Variants in HUNK observed in about 807,000 individuals in gnomAD.
HUNK encodes hormonally up-regulated neu tumor-associated kinase.
Under a neutral mutation model 61.0 loss-of-function variants are expected in HUNK, and 21 were observed. The observed-to-expected ratio is 0.34, with a 90% CI of 0.24 to 0.50. HUNK has a LOEUF of 0.50. HUNK is among the 20% of genes least tolerant of loss of function. The pLI is 0.98. For missense variants in HUNK, 772 were observed against 945.7 expected (o/e 0.82, Z 2.41); for synonymous variants, 371 against 386.1 (o/e 0.96, Z 0.46).
chr21:31,943,962 C>G (rs1431361582), intron 3 of HUNK, among the ~76,000 whole-genome samples: 1 of 152,258 alleles, frequency 6.6e-6, no homozygotes, highest in East Asian at 1.9e-4. Flanking sequence ...GGTGCTGTCT[C>G]TCACAGTAGG....
chr21:31,925,774 C>T (rs1009296181), intron 2 of HUNK, among the ~76,000 whole-genome samples: 2 of 152,162 alleles, frequency 1.3e-5, no homozygotes, highest in African/African-American at 2.4e-5. Flanking sequence ...GCTTTTAGTA[C>T]TGTATGAAAA....
chr21:31,899,457 CTTG>C (rs1459916385), intron 1 of HUNK, among the ~76,000 whole-genome samples: 1 of 152,238 alleles, frequency 6.6e-6, no homozygotes, highest in East Asian at 1.9e-4. Context: ...TGTGTTTCCT[CTTG>C]TTGTAAAGAC....
chr21:31,976,821 A>G (rs1362427758), intron 7 of HUNK, among the ~76,000 whole-genome samples: 1 of 149,624 alleles, frequency 6.7e-6, no homozygotes, highest in East Asian at 2.0e-4. Flanking sequence ...CCCAGGCTAG[A>G]GTGCAGTGGC....
chr21:31,941,033 C>T (rs921221926), intron 3 of HUNK, among the ~76,000 whole-genome samples: 1 of 152,154 alleles, frequency 6.6e-6, no homozygotes, highest in African/African-American at 2.4e-5. Flanking sequence ...TTTTGTTTGA[C>T]AAATGCTGAA....
rs1366692969 is a variant in HUNK, at chr21:31,979,406, C to T, written c.1174-4120C>T. 6.7e-5 allele frequency among the ~76,000 whole-genome samples: 10 copies of T among 148,648 alleles called. No homozygotes were observed. The East Asian group carries it at 7.9e-4, about 12-fold the overall frequency. On this transcript the variant is annotated intron_variant, in intron 7 of 10. Coordinates refer to ENST00000270112, the MANE Select transcript of HUNK (RefSeq NM_014586.2). Reference sequence around the variant, plus strand: ...TGCTGGGATTACAGGTGTGAGCCACCGCGCCCGGCCCCTATTGGCCATTTC... The same window carrying T: ...TGCTGGGATTACAGGTGTGAGCCACTGCGCCCGGCCCCTATTGGCCATTTC...
In HUNK at chr21:31,983,385, G is replaced by A. The variant is rs1261056061; in HGVS notation, c.1174-141G>A. 4 of 674,626 alleles carry A rather than the reference G, an allele frequency of 5.9e-6. No individual in the cohort carries two copies. In the African/African-American group the frequency reaches 7.2e-5, roughly 12 times the overall value. The allele number at this position is 674,626 out of a possible 1,614,324, so 41.8% of individuals were successfully genotyped here. A position where few individuals can be genotyped will look rare whatever the true frequency, so the allele number is the denominator to read the frequency against. On this transcript the variant is annotated intron_variant, in intron 7 of 10. Coordinates refer to ENST00000270112, the MANE Select transcript of HUNK (RefSeq NM_014586.2). ...CTGCCTGCAGGCCTTCCTGGGGTGAGACTTGATGTTGCAATTTACTGGACT... is the reference window on the plus strand; with the variant it reads ...CTGCCTGCAGGCCTTCCTGGGGTGAAACTTGATGTTGCAATTTACTGGACT...
chr21:31,939,539 G>C lies in HUNK; in HGVS notation c.555-626G>C, dbSNP rs879599075. 2.3e-4 allele frequency among the ~76,000 whole-genome samples: 34 copies of C among 149,400 alleles called. 1 individual carries two copies. The highest frequency in any genetic ancestry group is 8.8e-4 in the Admixed American group (13 of 14,784). On this transcript the variant is annotated intron_variant, in intron 2 of 10. Coordinates refer to ENST00000270112, the MANE Select transcript of HUNK (RefSeq NM_014586.2). ...TTCTCCTGCCTCAGCCTCCCGAGTT[G>C]CTGGAATTACAGGCATGCGCCGCCA...
intron 1 of HUNK, among the ~76,000 whole-genome samples, chr21:31,875,298 C>T (rs1278725493): frequency 6.6e-6 from 1 of 152,198 alleles, no homozygotes; most frequent in African/African-American, 2.4e-5. Flanking sequence ...CATTTCCCCT[C>T]TTTGTCTTGG....
chr21:31,991,775 T>TA (rs1214496360), intron 9 of HUNK, among the ~76,000 whole-genome samples: 1 of 152,162 alleles, frequency 6.6e-6, no homozygotes, highest in African/African-American at 2.4e-5. Context: ...AAAGAAAACT[T>TA]ACCTCAGCTC....
intron 8 of HUNK, among the ~76,000 whole-genome samples, chr21:31,986,388 G>A (rs1387191851): frequency 6.6e-6 from 1 of 151,790 alleles, no homozygotes. Context: ...CCCACACCTG[G>A]TCCCAGCCAC....
chr21:31,998,457 C>T, intron 10 of HUNK, 69 bp from the exon 11 acceptor site: 2 of 1,378,996 alleles, frequency 1.5e-6, no homozygotes, highest in South Asian at 1.4e-5. Context: ...GAGGTCACAG[C>T]AGGCAGGAGA....
chr21:31,878,532 T>G (rs1425822866), intron 1 of HUNK, among the ~76,000 whole-genome samples: 1 of 151,374 alleles, frequency 6.6e-6, no homozygotes, highest in Non-Finnish European at 1.5e-5. Flanking sequence ...GTCAGGAGTT[T>G]GAGACCAGCC....
chr21:31,899,808 A>C (rs1601366230), intron 1 of HUNK, among the ~76,000 whole-genome samples: 1 of 145,000 alleles, frequency 6.9e-6, no homozygotes, highest in Non-Finnish European at 1.5e-5. Flanking sequence ...ACAGAGTTTC[A>C]CTCTTGTCAC....
At position 31,902,328 on chromosome 21, in the gene HUNK, T is replaced by C. The variant is rs531154825; in HGVS notation, c.262-22140T>C. ...GAGTTCGAGAGCAGCCTGACCAACA[T>C]GGAGAAACCCCATCTCTACTAAACA... On this transcript the variant is annotated intron_variant, in intron 1 of 10. Transcript: ENST00000270112. 1.2e-4 allele frequency among the ~76,000 whole-genome samples: 19 copies of C among 152,174 alleles called. No homozygotes were observed. The South Asian group carries it at 2.9e-3, about 23-fold the overall frequency.
intron 2 of HUNK, among the ~76,000 whole-genome samples, chr21:31,934,730 G>C (rs915280586): frequency 2.0e-5 from 3 of 152,010 alleles, no homozygotes; most frequent in Admixed American, 2.0e-4. Context: ...CCAATGTTCA[G>C]CTCCCACTTA....
At chr21:31,927,653 A>G (rs575035555) in intron 2 of HUNK, among the ~76,000 whole-genome samples, 22 of 152,180 alleles carry the variant, frequency 1.4e-4, no homozygotes, top group Admixed American at 6.5e-4. Flanking sequence ...GAAAAAAAAA[A>G]AAAGCCATTT....
chr21:31,975,706 T>G (rs2053043946), intron 7 of HUNK, among the ~76,000 whole-genome samples: 1 of 152,214 alleles, frequency 6.6e-6, no homozygotes, highest in South Asian at 2.1e-4. Context: ...TCACCAAATT[T>G]CACTAGACAA....
chr21:31,997,317 G>A (rs1294678524), intron 10 of HUNK, among the ~76,000 whole-genome samples: 1 of 152,204 alleles, frequency 6.6e-6, no homozygotes, highest in African/African-American at 2.4e-5. Flanking sequence ...GATCTGGCAG[G>A]TTGCCTTAAC....
In HUNK at chr21:31,924,620, G is replaced by C. The variant is rs564370055; in HGVS notation, c.414G>C (p.Leu138=). 6.2e-7 allele frequency: 1 copy of C among 1,614,180 alleles called. No individual in the cohort carries two copies. Among genetic ancestry groups the C allele is most frequent in the African/African-American group, 1.3e-5 (1 of 75,046 alleles). The stretch of plus-strand genomic sequence containing the variant: ...TAGAAACGGAAAACAGCTACTACCT[G>C]GTCATGGAGCTGTGCCCTGGGGGCA... The part of the protein sequence containing the change: ...DILETENSYY[L]VMELCPGGNL... Residue 138 remains leucine, a synonymous_variant, in exon 2 of 11, where the codon CTG becomes CTC. Coordinates refer to ENST00000270112, the MANE Select transcript of HUNK (RefSeq NM_014586.2). This position sits in a 1 kb window ranked among gnomAD's most constrained non-coding sequence, Gnocchi z 5.1.
Sources: gnomAD v4.1 joint callset for allele counts (sites outside exome capture counted in the v4.1 genomes callset) on GRCh38, gnomAD v4.1.1 for gene constraint, Gnocchi (gnomAD v3.1) non-coding constraint, MANE v1.5 for transcripts, NCBI Gene and HGNC (gene_info 2026-07-23, HGNC 2026-07-21) for gene names.